CD226: variants seen among roughly 807,000 people sequenced by gnomAD.
The protein encoded by CD226 is CD226 antigen.
CD226 carries 24 observed loss-of-function variants against 34.9 expected under a neutral mutation model. The ratio of observed to expected loss-of-function variants is 0.69; its 90% CI spans 0.50 to 0.97. The LOEUF (loss-of-function observed/expected upper bound fraction) is 0.97. Among genes scored for constraint, CD226 ranks in the 50% least tolerant of loss-of-function variants. The pLI is 0.00. For missense variants in CD226, 397 were observed against 412.7 expected (o/e 0.96, Z 0.33); for synonymous variants, 148 against 147.4 (o/e 1.00, Z -0.03).
intron 2 of CD226, among the ~76,000 whole-genome samples, chr18:69,934,352 T>C (rs1442545470): frequency 6.6e-6 from 1 of 151,718 alleles, no homozygotes; most frequent in Non-Finnish European, 1.5e-5. Flanking sequence ...GAAATATCGG[T>C]GTTGGTAGCA....
chr18:69,883,324 T>C (rs181528438), intron 3 of CD226, among the ~76,000 whole-genome samples: 81 of 152,272 alleles, frequency 5.3e-4, no homozygotes, highest in African/African-American at 1.9e-3. Flanking sequence ...AAATAGACTA[T>C]GGAATATTGA....
chr18:69,888,465 C>T (rs929887443), intron 3 of CD226, among the ~76,000 whole-genome samples: 3 of 135,700 alleles, frequency 2.2e-5, no homozygotes, highest in African/African-American at 8.3e-5. Context: ...GTTGCCCAGG[C>T]TGCAGTGCAA....
At chr18:69,898,981 A>T (rs769157790) in intron 2 of CD226, among the ~76,000 whole-genome samples, 88 of 152,248 alleles carry the variant, frequency 5.8e-4, no homozygotes, top group Non-Finnish European at 1.2e-3. Context: ...ACAAATAATG[A>T]AAACCAGCTT....
upstream of CD226, among the ~76,000 whole-genome samples, chr18:69,951,994 A>G (rs1167069234): frequency 6.6e-6 from 1 of 152,218 alleles, no homozygotes; most frequent in Non-Finnish European, 1.5e-5. Context: ...TTGCAGCACT[A>G]TTCACAATAA....
At chr18:69,921,444 C>A (rs1341157854) in intron 2 of CD226, among the ~76,000 whole-genome samples, 2 of 152,148 alleles carry the variant, frequency 1.3e-5, no homozygotes, top group Non-Finnish European at 2.9e-5. Context: ...CTGTGAGAAG[C>A]TAACACATCT....
intron 2 of CD226, among the ~76,000 whole-genome samples, chr18:69,901,525 T>A (rs1161128293): frequency 6.6e-6 from 1 of 152,160 alleles, no homozygotes; most frequent in Non-Finnish European, 1.5e-5. Context: ...ACAGGGGAAC[T>A]GATTATGCTA....
chr18:69,885,420 CA>C (rs1984499962), intron 3 of CD226, among the ~76,000 whole-genome samples: 1 of 152,094 alleles, frequency 6.6e-6, no homozygotes, highest in Non-Finnish European at 1.5e-5. Flanking sequence ...GGTCTGGGCA[CA>C]AGAGCAAGAG....
At chr18:69,958,307 T>C (rs575161791), upstream of CD226, among the ~76,000 whole-genome samples, 38 of 152,302 alleles carry the variant, frequency 2.5e-4, no homozygotes, top group African/African-American at 8.7e-4. Context: ...TCAGCACTTG[T>C]AGAATAGGAC....
chr18:69,942,398 C>A (rs1015334223), intron 2 of CD226, among the ~76,000 whole-genome samples: 3 of 152,194 alleles, frequency 2.0e-5, no homozygotes, highest in African/African-American at 7.2e-5. Flanking sequence ...TAAAAGACTG[C>A]AGCTAGTGTA....
chr18:69,921,564 T>C (rs1332960697), intron 2 of CD226, among the ~76,000 whole-genome samples: 2 of 152,218 alleles, frequency 1.3e-5, no homozygotes, highest in African/African-American at 2.4e-5. Context: ...ATAAGGTGGC[T>C]GTCCTCCTTC....
chr18:69,934,671 A>AT (rs1298810886), intron 2 of CD226, among the ~76,000 whole-genome samples: 1 of 152,202 alleles, frequency 6.6e-6, no homozygotes, highest in Non-Finnish European at 1.5e-5. Context: ...TACAAAGAAG[A>AT]TTTTTTTAAA....
intron 2 of CD226, among the ~76,000 whole-genome samples, chr18:69,919,974 C>T (rs1363680171): frequency 2.0e-5 from 3 of 151,950 alleles, no homozygotes; most frequent in South Asian, 2.1e-4. Context: ...AACCATCATC[C>T]CACCTCAGCC....
intron 4 of CD226, among the ~76,000 whole-genome samples, chr18:69,869,796 T>C (rs927761658): frequency 6.7e-5 from 10 of 148,292 alleles, no homozygotes; most frequent in African/African-American, 2.2e-4. Flanking sequence ...TTTTCTTTTT[T>C]TTCTTTTTTT....
chr18:69,927,770 T>G (rs941276027), intron 2 of CD226, among the ~76,000 whole-genome samples: 1 of 152,226 alleles, frequency 6.6e-6, no homozygotes, highest in South Asian at 2.1e-4. Context: ...TTACATACAT[T>G]TTATATACAT....
intron 3 of CD226, among the ~76,000 whole-genome samples, chr18:69,888,169 TAAG>T (rs1172784126): frequency 6.6e-6 from 1 of 152,216 alleles, no homozygotes; most frequent in East Asian, 1.9e-4. Context: ...ATTAATCTTA[TAAG>T]AATAACTTAT....
chr18:69,864,150 C>T lies in CD226; in HGVS notation c.*164G>A. 1.6e-6 allele frequency: 1 copy of T among 616,816 alleles called. No homozygotes were observed. The highest frequency in any genetic ancestry group is 2.8e-6 in the Non-Finnish European group (1 of 359,996). The allele number at this position is 616,816 out of a possible 1,614,324, so 38.2% of individuals were successfully genotyped here. A position where few individuals can be genotyped will look rare whatever the true frequency, so the allele number is the denominator to read the frequency against. On this transcript the variant is annotated 3_prime_UTR_variant, in exon 6 of 6. Coordinates refer to ENST00000582621, the MANE Select transcript of CD226 (RefSeq NM_001303618.2). Reference sequence around the variant, plus strand: ...TAGAGTCAGGTTTTCTGAAACAGTTCTATGAAAAATGATTTTAGGTAATGA... The same window carrying T: ...TAGAGTCAGGTTTTCTGAAACAGTTTTATGAAAAATGATTTTAGGTAATGA...
chr18:69,927,249 C>T (rs990871927), intron 2 of CD226, among the ~76,000 whole-genome samples: 7 of 152,030 alleles, frequency 4.6e-5, no homozygotes, highest in African/African-American at 9.7e-5. Flanking sequence ...TAAATTTGCT[C>T]GTGCTTTGGT....
At chr18:69,907,179 T>C (rs185455104) in intron 2 of CD226, among the ~76,000 whole-genome samples, 2 of 152,320 alleles carry the variant, frequency 1.3e-5, no homozygotes, top group Non-Finnish European at 2.9e-5. Flanking sequence ...TGGGTCCTTT[T>C]CACATTTATC....
At chr18:69,905,995 A>G (rs1162633091) in intron 2 of CD226, among the ~76,000 whole-genome samples, 1 of 152,234 alleles carries the variant, frequency 6.6e-6, no homozygotes, top group Non-Finnish European at 1.5e-5. Context: ...ATGCCTTTAG[A>G]GCATCTACTC....
Sources: allele counts gnomAD v4.1 joint callset (sites outside exome capture counted in the v4.1 genomes callset), GRCh38; gene constraint gnomAD v4.1.1; transcripts MANE v1.5; gene names NCBI Gene and HGNC (gene_info 2026-07-23, HGNC 2026-07-21).